Variants in MGAT4C observed in about 807,000 individuals in gnomAD.
The protein encoded by MGAT4C is MGAT4 family member C.
Under a neutral mutation model 40.1 loss-of-function variants are expected in MGAT4C, and 19 were observed. The ratio of observed to expected loss-of-function variants is 0.47; its 90% CI spans 0.33 to 0.70. The LOEUF is 0.70. MGAT4C is among the 30% of genes least tolerant of loss of function. The pLI is 0.02. For synonymous variants in MGAT4C, 181 were observed against 187.1 expected, an observed-to-expected ratio of 0.97 and a Z score of 0.27; for missense variants, 491 against 563.2, an observed-to-expected ratio of 0.87 and a Z score of 1.30.
chr12:86,673,450 C>T lies in MGAT4C; in HGVS notation c.-229+53759G>A, dbSNP rs140768030. Reference sequence around the variant, plus strand: ...AGTAAGCATAACACACATGCGCAAGCGCACACACACACATGCACACACACA... The same window carrying T: ...AGTAAGCATAACACACATGCGCAAGTGCACACACACACATGCACACACACA... On this transcript the variant is annotated intron_variant, in intron 2 of 7. Coordinates refer to the MGAT4C transcript ENST00000548651. Among the ~76,000 whole-genome samples the T allele has an allele frequency of 8.8e-3, 1,336 of 152,156 alleles. 9 individuals are homozygous for T. The highest frequency in any genetic ancestry group is 0.017 in the Middle Eastern group (5 of 294).
chr12:86,130,076 T>C (rs1880951863), intron 1 of MGAT4C, among the ~76,000 whole-genome samples: 1 of 152,242 alleles, frequency 6.6e-6, no homozygotes, highest in Non-Finnish European at 1.5e-5. Flanking sequence ...TTGCCTATAC[T>C]GATGGAATTA....
intron 2 of MGAT4C, among the ~76,000 whole-genome samples, chr12:86,667,102 G>T (rs1302812107): frequency 3.3e-5 from 5 of 152,098 alleles, no homozygotes; most frequent in Admixed American, 6.6e-5. Context: ...AAACAGATCA[G>T]GGCATTTACA....
At chr12:86,825,318 C>T (rs1952784371) in intron 1 of MGAT4C, among the ~76,000 whole-genome samples, 1 of 151,026 alleles carries the variant, frequency 6.6e-6, no homozygotes, top group Admixed American at 6.6e-5. Flanking sequence ...AAAAAGAAAA[C>T]TTTTCAGATA....
At chr12:86,509,617 T>C (rs1003875610) in intron 2 of MGAT4C, among the ~76,000 whole-genome samples, 1 of 152,154 alleles carries the variant, frequency 6.6e-6, no homozygotes. Context: ...GGTAGCTTGA[T>C]GGGGATGGCA....
At chr12:86,179,351 A>T (rs1335575815) in intron 1 of MGAT4C, among the ~76,000 whole-genome samples, 4 of 152,194 alleles carry the variant, frequency 2.6e-5, no homozygotes, top group Non-Finnish European at 5.9e-5. Context: ...CAGCAGTGTG[A>T]AAACAAACTA....
At chr12:86,749,595 C>T (rs1273588136) in intron 1 of MGAT4C, among the ~76,000 whole-genome samples, 1 of 151,636 alleles carries the variant, frequency 6.6e-6, no homozygotes, top group African/African-American at 2.4e-5. Context: ...TTACAACTTT[C>T]CTCCCCCTAC....
chr12:86,446,537 A>G (rs1312876188), intron 2 of MGAT4C, among the ~76,000 whole-genome samples: 1 of 150,822 alleles, frequency 6.6e-6, no homozygotes, highest in Admixed American at 6.6e-5. Flanking sequence ...TATCATTTAT[A>G]TTGTCTTATT....
chr12:86,033,150 G>A (rs1890914437), intron 2 of MGAT4C, among the ~76,000 whole-genome samples: 1 of 134,516 alleles, frequency 7.4e-6, no homozygotes, highest in Non-Finnish European at 1.7e-5. Flanking sequence ...GAACCATGCT[G>A]CTTTGGTTGC....
At chr12:86,147,249 T>C (rs1024250414) in intron 1 of MGAT4C, among the ~76,000 whole-genome samples, 1 of 152,032 alleles carries the variant, frequency 6.6e-6, no homozygotes. Context: ...TTATTAAATT[T>C]TTTTTTTTTT....
At chr12:86,440,079 G>T (rs115178821) in intron 2 of MGAT4C, among the ~76,000 whole-genome samples, 1 of 152,126 alleles carries the variant, frequency 6.6e-6, no homozygotes, top group African/African-American at 2.4e-5. Context: ...CTACAGAAAC[G>T]ATTTCAAATG....
chr12:86,519,017 G>T (rs1958745127), intron 2 of MGAT4C, among the ~76,000 whole-genome samples: 1 of 152,166 alleles, frequency 6.6e-6, no homozygotes, highest in South Asian at 2.1e-4. Context: ...AACACCAGGT[G>T]AGTAGTGCCT....
At chr12:86,217,364 C>G (rs140360936) in intron 1 of MGAT4C, among the ~76,000 whole-genome samples, 3 of 152,018 alleles carry the variant, frequency 2.0e-5, no homozygotes, top group Non-Finnish European at 4.4e-5. Flanking sequence ...TTAGTACAGA[C>G]GTGGTTTCAC....
intron 2 of MGAT4C, among the ~76,000 whole-genome samples, chr12:86,602,617 CCA>C (rs1220445044): frequency 2.0e-5 from 3 of 152,118 alleles, no homozygotes; most frequent in African/African-American, 7.2e-5. Flanking sequence ...AAAGCAATTT[CCA>C]ACCCTAAAAG....
intron 2 of MGAT4C, among the ~76,000 whole-genome samples, chr12:86,614,905 A>T (rs921345034): frequency 2.7e-4 from 41 of 151,976 alleles, no homozygotes; most frequent in Admixed American, 5.2e-4. Flanking sequence ...AGACCCATCG[A>T]AACTTGTAAT....
At chr12:86,121,495 A>T (rs1461827638) in intron 1 of MGAT4C, among the ~76,000 whole-genome samples, 1 of 152,200 alleles carries the variant, frequency 6.6e-6, no homozygotes, top group African/African-American at 2.4e-5. Flanking sequence ...GCAGCCAGAG[A>T]TAAAGGTCAG....
At chr12:86,313,025 T>C (rs553229797) in intron 4 of MGAT4C, among the ~76,000 whole-genome samples, 1 of 152,294 alleles carries the variant, frequency 6.6e-6, no homozygotes, top group Non-Finnish European at 1.5e-5. Flanking sequence ...AAAATGGAGC[T>C]CTATATTAGC....
At chr12:86,448,221 C>CATTTGTACCAATAAAAAG in intron 2 of MGAT4C, among the ~76,000 whole-genome samples, 1 of 152,254 alleles carries the variant, frequency 6.6e-6, no homozygotes, top group East Asian at 1.9e-4. Flanking sequence ...TGGCAGCTTC[C>CATTTGTACCAATAAAAAG]TGATCATTTG....
intron 2 of MGAT4C, among the ~76,000 whole-genome samples, chr12:86,529,861 T>G (rs762977166): frequency 1.8e-4 from 27 of 151,960 alleles, no homozygotes; most frequent in Non-Finnish European, 3.1e-4. Flanking sequence ...CTGTACATGT[T>G]CAAGTCTCAT....
At chr12:86,033,789 T>C (rs1890975194) in intron 2 of MGAT4C, among the ~76,000 whole-genome samples, 1 of 149,796 alleles carries the variant, frequency 6.7e-6, no homozygotes, top group African/African-American at 2.4e-5. Context: ...CAGTACCATG[T>C]TGAATAGGAG....
Sources: allele counts gnomAD v4.1 joint callset (sites outside exome capture counted in the v4.1 genomes callset), GRCh38; gene constraint gnomAD v4.1.1; transcripts MANE v1.5; gene names NCBI Gene and HGNC (gene_info 2026-07-23, HGNC 2026-07-21).